LEF1: variants seen among roughly 807,000 people sequenced by gnomAD.
LEF1 encodes the protein lymphoid enhancer binding factor 1.
Under a neutral mutation model 51.2 loss-of-function variants are expected in LEF1, and 14 were observed. The observed-to-expected ratio is 0.27, with a 90% CI of 0.18 to 0.43. LEF1 has a LOEUF of 0.43. LEF1 is among the 20% of genes least tolerant of loss of function. The pLI is 1.00. For synonymous variants in LEF1, 185 were observed against 183.2 expected (o/e 1.01, Z -0.08); for missense variants, 386 against 512.0 (o/e 0.75, Z 2.37).
At chr4:108,164,502 A>T (rs1745262442) in intron 2 of LEF1, among the ~76,000 whole-genome samples, 1 of 152,210 alleles carries the variant, frequency 6.6e-6, no homozygotes, top group African/African-American at 2.4e-5. Flanking sequence ...AGTCACAAAG[A>T]ATTCTCCTTA....
chr4:108,156,859 G>A (rs1328972202), intron 3 of LEF1, among the ~76,000 whole-genome samples: 2 of 151,734 alleles, frequency 1.3e-5, no homozygotes, highest in East Asian at 1.9e-4. Context: ...GAAGGGTGAG[G>A]GGGTAGGAGG....
chr4:108,119,003 G>T (rs766618131), intron 3 of LEF1, among the ~76,000 whole-genome samples: 1 of 150,340 alleles, frequency 6.7e-6, no homozygotes, highest in South Asian at 2.1e-4. Context: ...GAACTATACC[G>T]CACAGTACAT....
intron 3 of LEF1, among the ~76,000 whole-genome samples, chr4:108,156,711 T>C (rs1206047729): frequency 6.6e-6 from 1 of 152,180 alleles, no homozygotes; most frequent in Non-Finnish European, 1.5e-5. Flanking sequence ...TTTTTTATAA[T>C]TTTTATTGTA....
intron 10 of LEF1, 54 bp downstream of exon 10, chr4:108,064,282 A>G: frequency 7.9e-7 from 1 of 1,272,530 alleles, no homozygotes; most frequent in East Asian, 2.3e-5. Context: ...AAACTGCCTT[A>G]AAAGGTGTTT....
intron 3 of LEF1, among the ~76,000 whole-genome samples, chr4:108,149,567 T>C (rs920654104): frequency 2.0e-5 from 3 of 149,292 alleles, no homozygotes; most frequent in Admixed American, 6.7e-5. Context: ...TGAGGATAAA[T>C]CCAATAAATT....
intron 11 of LEF1, among the ~76,000 whole-genome samples, chr4:108,050,218 A>G (rs1183159955): frequency 6.6e-6 from 1 of 152,230 alleles, no homozygotes; most frequent in African/African-American, 2.4e-5. Context: ...AAAATCAACC[A>G]TTCCCTGTTT....
chr4:108,048,794 G>A lies in LEF1; in HGVS notation c.*7-43C>T, dbSNP rs558583920. On this transcript the variant is annotated intron_variant, in intron 11 of 11. Transcript: ENST00000265165. ...GAAATGCTATTAATATGAATTTGCCGTAGGCCTTAAGATTATAACCTCTAT... is the reference window on the plus strand; with the variant it reads ...GAAATGCTATTAATATGAATTTGCCATAGGCCTTAAGATTATAACCTCTAT... The A allele has an allele frequency of 2.9e-5, 42 of 1,436,572 alleles. 1 individual carries two copies. Among genetic ancestry groups the A allele is most frequent in the South Asian group, 1.1e-4 (9 of 79,766 alleles). The allele number at this position is 1,436,572 out of a possible 1,614,324, so 89.0% of individuals were successfully genotyped here. A position where few individuals can be genotyped will look rare whatever the true frequency, so the allele number is the denominator to read the frequency against.
chr4:108,064,052 C>T (rs1404107548), intron 10 of LEF1, among the ~76,000 whole-genome samples: 3 of 152,068 alleles, frequency 2.0e-5, no homozygotes, highest in African/African-American at 7.2e-5. Flanking sequence ...TAAACACAGA[C>T]AACAGAAGCA....
chr4:108,071,113 C>A (rs1723379324), intron 8 of LEF1, among the ~76,000 whole-genome samples: 1 of 152,204 alleles, frequency 6.6e-6, no homozygotes, highest in Non-Finnish European at 1.5e-5. Flanking sequence ...CCCAACTTCA[C>A]TGTTTTTCAC....
chr4:108,099,598 A>AAC (rs1740662712), intron 3 of LEF1, among the ~76,000 whole-genome samples: 1 of 130,296 alleles, frequency 7.7e-6, no homozygotes, highest in Non-Finnish European at 1.6e-5. Context: ...ATATATATAT[A>AAC]TATATATATA....
chr4:108,057,896 C>T (rs990583599), intron 11 of LEF1, among the ~76,000 whole-genome samples: 22 of 148,510 alleles, frequency 1.5e-4, no homozygotes, highest in South Asian at 8.5e-4. Context: ...TTCCCCGAGA[C>T]GGAGTCTCTC....
At chr4:108,090,084 G>A (rs991669862) in intron 3 of LEF1, among the ~76,000 whole-genome samples, 2 of 152,000 alleles carry the variant, frequency 1.3e-5, no homozygotes, top group Non-Finnish European at 2.9e-5. Flanking sequence ...GGGTTCAAGT[G>A]ATTCTCCTGC....
intron 3 of LEF1, among the ~76,000 whole-genome samples, chr4:108,110,267 A>G (rs1741439859): frequency 6.6e-6 from 1 of 152,200 alleles, no homozygotes; most frequent in African/African-American, 2.4e-5. Context: ...TTCCTTATAG[A>G]GCATGTTTTC....
intron 3 of LEF1, among the ~76,000 whole-genome samples, chr4:108,101,550 C>T (rs966534289): frequency 2.6e-5 from 4 of 152,188 alleles, no homozygotes; most frequent in Non-Finnish European, 4.4e-5. Context: ...AGACAGTCTA[C>T]TCTTGCATGT....
chr4:108,147,537 T>A (rs1032196477), intron 3 of LEF1, among the ~76,000 whole-genome samples: 6 of 152,210 alleles, frequency 3.9e-5, no homozygotes, highest in Admixed American at 3.9e-4. Flanking sequence ...TATAGATACA[T>A]AAGAAGCCCT....
At chr4:108,053,507 C>T (rs192535180) in intron 11 of LEF1, among the ~76,000 whole-genome samples, 2 of 152,246 alleles carry the variant, frequency 1.3e-5, no homozygotes, top group South Asian at 2.1e-4. Context: ...CATGTTCTAC[C>T]AAGGCAAGGC....
intron 3 of LEF1, among the ~76,000 whole-genome samples, chr4:108,095,100 G>T: frequency 6.6e-6 from 1 of 152,276 alleles, no homozygotes; most frequent in African/African-American, 2.4e-5. Context: ...CCCTACTGGT[G>T]GTGATGCAGC....
At chr4:108,091,996 T>C (rs1035684915) in intron 3 of LEF1, among the ~76,000 whole-genome samples, 1 of 152,218 alleles carries the variant, frequency 6.6e-6, no homozygotes, top group Admixed American at 6.5e-5. Flanking sequence ...TGTGGAAATC[T>C]TCTGGATATA....
At chr4:108,110,487 C>CA (rs1270963004) in intron 3 of LEF1, among the ~76,000 whole-genome samples, 1 of 151,910 alleles carries the variant, frequency 6.6e-6, no homozygotes, top group Non-Finnish European at 1.5e-5. Context: ...TATTTTAAAG[C>CA]AAAAAAACAC....
Sources: allele counts gnomAD v4.1 joint callset (sites outside exome capture counted in the v4.1 genomes callset), GRCh38; gene constraint gnomAD v4.1.1; transcripts MANE v1.5; gene names NCBI Gene and HGNC (gene_info 2026-07-23, HGNC 2026-07-21).